LIPM: variants seen among roughly 807,000 people sequenced by gnomAD.
The protein encoded by LIPM is lipase member M.
A neutral mutation model predicts 42.4 loss-of-function variants in LIPM; 42 were observed. The observed-to-expected ratio is 0.99, with a 90% CI of 0.77 to 1.28. The LOEUF is 1.28. Ranked by LOEUF, LIPM falls within the 50% of genes most tolerant of loss-of-function variation. The pLI, the probability that LIPM is intolerant of heterozygous loss-of-function variation, is 0.00. For missense variants in LIPM, 524 were observed against 520.1 expected (o/e 1.01, Z -0.07); for synonymous variants, 177 against 173.3 (o/e 1.02, Z -0.17).
chr10:88,818,672 C>G (rs1474868950), intron 8 of LIPM, among the ~76,000 whole-genome samples: 1 of 152,120 alleles, frequency 6.6e-6, no homozygotes, highest in African/African-American at 2.4e-5. Flanking sequence ...TTAGACACAG[C>G]TTAGTCTTTC....
chr10:88,804,324 A>G (rs551260874), intron 1 of LIPM, among the ~76,000 whole-genome samples: 35 of 152,288 alleles, frequency 2.3e-4, no homozygotes, highest in Middle Eastern at 3.4e-3. Flanking sequence ...GCGTGTACCC[A>G]GCACCTATAC....
intron 1 of LIPM, among the ~76,000 whole-genome samples, chr10:88,807,435 A>T (rs1453601696): frequency 6.6e-6 from 1 of 152,106 alleles, no homozygotes; most frequent in Non-Finnish European, 1.5e-5. Flanking sequence ...CCCTGATGCA[A>T]ATGGTTCTCT....
At chr10:88,818,101 C>T (rs544203216) in intron 8 of LIPM, among the ~76,000 whole-genome samples, 16 of 152,142 alleles carry the variant, frequency 1.1e-4, no homozygotes, top group East Asian at 1.9e-4. Context: ...GAGTAGGAGG[C>T]CTTTTTAGCT....
chr10:88,807,313 T>C (rs936932841), intron 1 of LIPM, among the ~76,000 whole-genome samples: 2 of 152,202 alleles, frequency 1.3e-5, no homozygotes, highest in Admixed American at 6.5e-5. Flanking sequence ...GTGTTAAAAC[T>C]CAAACAGTGG....
chr10:88,820,422 G>A lies in LIPM; in HGVS notation c.1193G>A (p.Arg398His), dbSNP rs1183396980. The change falls in exon 9 of 9, where the codon CGT becomes CAT. Residue 398 changes from arginine to histidine, a missense_variant. Physicochemically the swap from Arg to His is conservative, Grantham distance 29. Coordinates refer to ENST00000404743, the MANE Select transcript of LIPM (RefSeq NM_001128215.1). ...ATCTGGGGTTTGGATGCTCCTCACCGTATGTACAATGAAATCATCCATCTG... is the reference window on the plus strand; with the variant it reads ...ATCTGGGGTTTGGATGCTCCTCACCATATGTACAATGAAATCATCCATCTG... ...DFIWGLDAPH[R>H]MYNEIIHLMQ... The A allele has an allele frequency of 2.1e-5, 33 of 1,551,914 alleles. No individual in the cohort carries two copies. The highest frequency in any genetic ancestry group is 5.9e-5 in the Admixed American group (3 of 50,978).
chr10:88,814,640 G>A lies in LIPM; in HGVS notation c.574+1G>A. 1 of 1,550,086 alleles carries A rather than the reference G, an allele frequency of 6.5e-7. No individual in the cohort carries two copies. Among genetic ancestry groups the A allele is most frequent in the Non-Finnish European group, 8.7e-7 (1 of 1,145,388 alleles). The stretch of plus-strand genomic sequence containing the variant: ...GGCTATTCACAGGGCACCACCATGG[G>A]TAGGTTCAAAGAAAAGCAGGTTTGT... On this transcript the variant is annotated splice_donor_variant, in intron 4 of 8. Transcript: ENST00000404743. LOFTEE classifies it high-confidence loss of function.
Position 88,802,953 on chromosome 10 carries a change from T to A in LIPM, c.57T>A (p.Leu19=). 1.3e-6 allele frequency: 2 copies of A among 1,551,312 alleles called. No homozygotes were observed. The highest frequency in any genetic ancestry group is 4.9e-5 in the East Asian group (2 of 40,900). ...TCTCACACAGAATGGAAATGTGGCT[T>A]CTGATTCTGGTGGCGTATATGTTCC... ...WIVSHRMEMW[L]LILVAYMFQR... is the part of the protein sequence containing the mutation. Residue 19 remains leucine (L), a synonymous_variant, in exon 1 of 9, where the codon CTT becomes CTA. Transcript: ENST00000404743.
At chr10:88,811,993 C>T (rs1843661674) in intron 2 of LIPM, among the ~76,000 whole-genome samples, 1 of 152,172 alleles carries the variant, frequency 6.6e-6, no homozygotes, top group African/African-American at 2.4e-5. Context: ...GTTTTCCCTC[C>T]TCTGGTCCAT....
At position 88,814,592 on chromosome 10, in the gene LIPM, G is replaced by A. The variant is rs751873207; in HGVS notation, c.527G>A (p.Gly176Asp). The part of the protein sequence containing the change: ...AVINFILQKT[G>D]QEKIYYVGYS... ...ATAAACTTTATTTTGCAGAAAACGG[G>A]CCAGGAAAAGATCTATTATGTCGGC... The change falls in exon 4 of 9, where the codon GGC (glycine) becomes GAC (aspartate). Residue 176 changes from glycine (G) to aspartate (D), a missense_variant. By Grantham distance (94) the Gly-to-Asp change is moderately conservative. Coordinates refer to ENST00000404743, the MANE Select transcript of LIPM (RefSeq NM_001128215.1). 6.4e-7 allele frequency: 1 copy of A among 1,551,922 alleles called. No homozygotes were observed. Among genetic ancestry groups the A allele is most frequent in the African/African-American group, 1.4e-5 (1 of 73,112 alleles).
At chr10:88,808,444 C>T in intron 2 of LIPM, 29 bp downstream of exon 2, 1 of 1,237,840 alleles carries the variant, frequency 8.1e-7, no homozygotes, top group South Asian at 1.3e-5. Flanking sequence ...CACCGCAACA[C>T]AGCAGTCTTC....
chr10:88,806,131 C>T (rs1843583543), intron 1 of LIPM: 3 of 384,254 alleles, frequency 7.8e-6, no homozygotes, highest in South Asian at 1.9e-5. Context: ...GTGGATGGGA[C>T]CAGTCCTTTA....
chr10:88,813,347 A>T (rs1216310661), intron 3 of LIPM, 52 bp downstream of exon 3: 5 of 1,382,072 alleles, frequency 3.6e-6, no homozygotes, highest in Admixed American at 5.8e-5. Context: ...TTCAAAAAAA[A>T]TGGGTAAAAA....
At chr10:88,814,720 T>C (rs978264316) in intron 4 of LIPM, 81 bp downstream of exon 4, 22 of 1,065,362 alleles carry the variant, frequency 2.1e-5, no homozygotes, top group Admixed American at 4.0e-5. Context: ...ATCTGTCACC[T>C]TGTGCTTCCT....
intron 1 of LIPM, among the ~76,000 whole-genome samples, chr10:88,803,384 CCTTTTATT>C (rs1454417182): frequency 3.9e-5 from 6 of 152,106 alleles, no homozygotes; most frequent in Non-Finnish European, 5.9e-5. Flanking sequence ...TTTGTCTGTA[CCTTTTATT>C]CTTTTATTCT....
intron 1 of LIPM, chr10:88,805,967 C>G (rs536298886): frequency 2.2e-6 from 1 of 456,486 alleles, no homozygotes; most frequent in African/African-American, 2.0e-5. Context: ...AGATGTCCTA[C>G]GTTGGGCTGA....
intron 1 of LIPM, among the ~76,000 whole-genome samples, chr10:88,805,734 C>A (rs368975829): frequency 4.6e-5 from 7 of 152,132 alleles, no homozygotes; most frequent in South Asian, 2.1e-4. Context: ...CATTATGTTC[C>A]ATTTTTTTAA....
chr10:88,812,541 T>G (rs1306830607), intron 2 of LIPM, among the ~76,000 whole-genome samples: 3 of 152,194 alleles, frequency 2.0e-5, no homozygotes, highest in African/African-American at 7.2e-5. Flanking sequence ...GTTCATTTAT[T>G]TATTGGTCTC....
chr10:88,813,860 G>C (rs915236280), intron 3 of LIPM, among the ~76,000 whole-genome samples: 3 of 152,138 alleles, frequency 2.0e-5, no homozygotes, highest in African/African-American at 7.2e-5. Flanking sequence ...TGAGCAAAAG[G>C]GGGAAGAGCC....
rs1843544911 is a variant in LIPM at position 88,802,908 on chromosome 10, C to T, written c.12C>T (p.Thr4=). Residue 4 remains threonine (T), a synonymous_variant, in exon 1 of 9, where the codon ACC becomes ACT. Transcript: ENST00000404743. ...GCAGATGTTGGACCATGTTGGAAAC[C>T]TTGTCAAGACAGTGGATTGTCTCAC... is the stretch of plus-strand genomic sequence containing the variant. MLE[T]LSRQWIVSHR... The T allele has an allele frequency of 2.9e-5, 45 of 1,544,230 alleles. No individual in the cohort carries two copies. The East Asian group carries it at 1.1e-3, about 37-fold the overall frequency.
Sources: gnomAD v4.1 joint callset for allele counts (sites outside exome capture counted in the v4.1 genomes callset) on GRCh38, gnomAD v4.1.1 for gene constraint, MANE v1.5 for transcripts, NCBI Gene and HGNC (gene_info 2026-07-23, HGNC 2026-07-21) for gene names.